The following PTPRN2 variants were observed in gnomAD, a reference collection of about 807,000 sequenced individuals.
The protein encoded by PTPRN2 is protein tyrosine phosphatase receptor type N2, also known as receptor-type tyrosine-protein phosphatase N2.
In PTPRN2, 74 loss-of-function variants were observed where a neutral mutation model predicts 118.8. The observed-to-expected ratio is 0.62, with a 90% confidence interval of 0.52 to 0.76. The LOEUF is 0.76. Ranked by LOEUF, PTPRN2 falls within the 30% of genes least tolerant of loss-of-function variation. The pLI is 0.00. For synonymous variants in PTPRN2, 641 were observed against 608.0 expected (o/e 1.05, Z -0.80); for missense variants, 1,481 against 1,394.4 (o/e 1.06, Z -0.99).
chr7:158,303,182 A>AAAAAAAAAAC (rs1274915635), intron 3 of PTPRN2, among the ~76,000 whole-genome samples: 53 of 151,772 alleles, frequency 3.5e-4, no homozygotes, highest in African/African-American at 1.3e-3. Flanking sequence ...AAAAAAAAAA[A>AAAAAAAAAAC]AAATTCTTTG....
chr7:158,006,456 A>G (rs947105179), intron 11 of PTPRN2, among the ~76,000 whole-genome samples: 2 of 152,154 alleles, frequency 1.3e-5, no homozygotes, highest in Non-Finnish European at 2.9e-5. Context: ...TGCCATCCTG[A>G]GCCTCACAAG....
rs578186191 is a variant in PTPRN2, at chr7:157,992,982, C to G, written c.1723+88316G>C. Among the ~76,000 whole-genome samples, 21 of 152,346 alleles carry G rather than the reference C, an allele frequency of 1.4e-4. No homozygotes were observed. The East Asian group carries it at 3.5e-3, about 25-fold the overall frequency. ...GGAGCTGTGGTTTGGGCGCCTGAGC[C>G]TGGAGCCCCCGTCTTACTGGGAGGT... is the stretch of plus-strand genomic sequence containing the variant. On this transcript the variant is annotated intron_variant, in intron 11 of 22. Coordinates refer to ENST00000389418, the MANE Select transcript of PTPRN2 (RefSeq NM_002847.5).
At chr7:158,262,856 TCACA>T (rs1000077646) in intron 3 of PTPRN2, among the ~76,000 whole-genome samples, 4 of 117,806 alleles carry the variant, frequency 3.4e-5, no homozygotes, top group East Asian at 2.7e-4. Context: ...ATACATACAT[TCACA>T]CACATTCACA....
intron 12 of PTPRN2, among the ~76,000 whole-genome samples, chr7:157,708,755 G>A (rs568459945): frequency 6.6e-6 from 1 of 152,152 alleles, no homozygotes; most frequent in East Asian, 1.9e-4. Context: ...AATGCTCTCC[G>A]TGAGACTTAC....
intron 11 of PTPRN2, among the ~76,000 whole-genome samples, chr7:158,002,774 C>T (rs1000070083): frequency 3.9e-5 from 6 of 152,198 alleles, no homozygotes; most frequent in South Asian, 2.1e-4. Context: ...GAGGAACTCC[C>T]GGCTGCCTCA....
intron 3 of PTPRN2, among the ~76,000 whole-genome samples, chr7:158,262,580 G>GCA (rs780407529): frequency 1.8e-5 from 2 of 110,104 alleles, no homozygotes; most frequent in Non-Finnish European, 3.7e-5. Context: ...TTCACACACA[G>GCA]CACACACATT....
Position 157,671,652 on chromosome 7 carries a change from G to A in PTPRN2, c.2001+11073C>T, listed in dbSNP as rs1386090128. On this transcript the variant is annotated intron_variant, in intron 13 of 22. Coordinates refer to ENST00000389418, the MANE Select transcript of PTPRN2 (RefSeq NM_002847.5). This position sits in a 1 kb window ranked among gnomAD's most constrained non-coding sequence, Gnocchi z 4.1. ...CCACAGCTTAATTAAGCCAAAGGAA[G>A]GGCAGGGGCATGCGGGCTGGGGGCG... Among the ~76,000 whole-genome samples the A allele has an allele frequency of 1.3e-5, 2 of 152,170 alleles. No individual in the cohort carries two copies. Among genetic ancestry groups the A allele is most frequent in the South Asian group, 2.1e-4 (1 of 4,828 alleles).
rs192093449 is a variant in PTPRN2 at position 157,735,579 on chromosome 7, G to C, written c.1789-52642C>G. ...AGTAATTGAGCTTTCTCAAAAGGCAGCTGGGGCTAAAATAAATGGAAGTCT... is the reference window on the plus strand; with the variant it reads ...AGTAATTGAGCTTTCTCAAAAGGCACCTGGGGCTAAAATAAATGGAAGTCT... On this transcript the variant is annotated intron_variant, in intron 12 of 22. Transcript: ENST00000389418. Among the ~76,000 whole-genome samples, 110 of 152,368 alleles carry C rather than the reference G, an allele frequency of 7.2e-4. No homozygotes were observed. In the East Asian group the frequency reaches 0.014, roughly 20 times the overall value.
chr7:157,937,096 T>C (rs1358050387), intron 11 of PTPRN2, among the ~76,000 whole-genome samples: 2 of 152,248 alleles, frequency 1.3e-5, no homozygotes, highest in African/African-American at 4.8e-5. Context: ...CCACCTTCTC[T>C]GGGAAGCCCT....
chr7:158,370,076 A>G (rs1285151035), intron 2 of PTPRN2, among the ~76,000 whole-genome samples: 1 of 152,158 alleles, frequency 6.6e-6, no homozygotes, highest in Non-Finnish European at 1.5e-5. Flanking sequence ...GAGGTGATCA[A>G]CACTGCAGGA....
At chr7:157,678,144 T>G (rs1796756058) in intron 13 of PTPRN2, among the ~76,000 whole-genome samples, 1 of 152,270 alleles carries the variant, frequency 6.6e-6, no homozygotes, top group Non-Finnish European at 1.5e-5. Context: ...TGTAAACTAT[T>G]TGGCACAGTT....
intron 12 of PTPRN2, among the ~76,000 whole-genome samples, chr7:157,721,369 A>T (rs1799221765): frequency 6.6e-6 from 1 of 152,210 alleles, no homozygotes; most frequent in African/African-American, 2.4e-5. Context: ...CATCATGAGC[A>T]ATGTTGTAAT....
At chr7:157,757,261 A>G (rs1473222120) in intron 12 of PTPRN2, among the ~76,000 whole-genome samples, 1 of 151,328 alleles carries the variant, frequency 6.6e-6, no homozygotes, top group African/African-American at 2.5e-5. Context: ...CCGTGCAGGC[A>G]GAGACCGTCG....
intron 3 of PTPRN2, among the ~76,000 whole-genome samples, chr7:158,253,601 C>A (rs766261435): frequency 4.6e-5 from 7 of 152,172 alleles, no homozygotes; most frequent in Non-Finnish European, 8.8e-5. Context: ...TCTGTCCCCT[C>A]CCCTCGGCGG....
At chr7:157,940,504 C>A (rs192607406) in intron 11 of PTPRN2, among the ~76,000 whole-genome samples, 2 of 149,968 alleles carry the variant, frequency 1.3e-5, no homozygotes, top group Non-Finnish European at 2.9e-5. Flanking sequence ...AACACCCTCC[C>A]CCTTGACACT....
chr7:158,038,509 T>C (rs2128887702), intron 11 of PTPRN2, among the ~76,000 whole-genome samples: 1 of 152,110 alleles, frequency 6.6e-6, no homozygotes, highest in South Asian at 2.1e-4. Context: ...TGGAAAACAC[T>C]GATTAAAAAG....
intron 11 of PTPRN2, among the ~76,000 whole-genome samples, chr7:157,989,758 C>T (rs1804103342): frequency 6.6e-6 from 1 of 152,144 alleles, no homozygotes; most frequent in Non-Finnish European, 1.5e-5. Context: ...CACCCCACTT[C>T]ACAGATGGGA....
intron 11 of PTPRN2, among the ~76,000 whole-genome samples, chr7:158,056,433 G>A (rs894820864): frequency 1.3e-5 from 2 of 152,382 alleles, no homozygotes; most frequent in East Asian, 1.9e-4. Context: ...CCAGGGGAAA[G>A]TGTTGGGAAA....
chr7:157,879,347 G>A (rs777899955), intron 12 of PTPRN2, among the ~76,000 whole-genome samples: 11 of 152,198 alleles, frequency 7.2e-5, no homozygotes, highest in Non-Finnish European at 1.2e-4. Flanking sequence ...CCCCCAACAC[G>A]CACACCCAAA....
Sources: allele counts gnomAD v4.1 joint callset (sites outside exome capture counted in the v4.1 genomes callset), GRCh38; gene constraint gnomAD v4.1.1; non-coding constraint Gnocchi (gnomAD v3.1); transcripts MANE v1.5; gene names NCBI Gene and HGNC (gene_info 2026-07-23, HGNC 2026-07-21).